The following ATP8B1 variants were observed in gnomAD, a reference collection of about 807,000 sequenced individuals.
ATP8B1 encodes ATPase phospholipid transporting 8B1.
Under a neutral mutation model 149.9 loss-of-function variants are expected in ATP8B1, and 80 were observed. The observed-to-expected ratio is 0.53, with a 90% CI of 0.45 to 0.64. The LOEUF (loss-of-function observed/expected upper bound fraction) is 0.64. Ranked by LOEUF, ATP8B1 falls within the 30% of genes least tolerant of loss-of-function variation. The pLI is 0.00. For missense variants in ATP8B1, 1,247 were observed against 1,552.6 expected (o/e 0.80, Z 3.31); for synonymous variants, 536 against 562.8 (o/e 0.95, Z 0.67).
rs754092954 is a variant in ATP8B1, at chr18:57,662,551, G to A, written c.2350C>T (p.Pro784Ser). ...GGAAAAAAAGATTCCTGCACAGGAG[G>A]TGCAAACTTTGCGTAGACGCCACCT... ...NRGGVYAKFA[P>S]PVQESFFPPG... Residue 784 changes from proline to serine, a missense_variant, in exon 21 of 28, where the codon CCT (proline) becomes TCT (serine). This residue lies in a region of ATP8B1 where 853 missense variants were observed against 1,035.7 expected (regional missense o/e 0.82). Coordinates refer to ENST00000648908, the MANE Select transcript of ATP8B1 (RefSeq NM_001374385.1). 2 of 1,614,188 alleles carry A rather than the reference G, an allele frequency of 1.2e-6. No individual in the cohort carries two copies. The highest frequency in any genetic ancestry group is 3.3e-5 in the Admixed American group (2 of 60,014).
At chr18:57,707,228 G>A (rs1432681833) in intron 2 of ATP8B1, among the ~76,000 whole-genome samples, 2 of 152,048 alleles carry the variant, frequency 1.3e-5, no homozygotes, top group African/African-American at 2.4e-5. Flanking sequence ...CCCGGGAGGT[G>A]GAGGTTGCAG....
chr18:57,746,012 T>A (rs1357730202), intron 1 of ATP8B1, among the ~76,000 whole-genome samples: 2 of 152,190 alleles, frequency 1.3e-5, no homozygotes, highest in Non-Finnish European at 2.9e-5. Flanking sequence ...CTATTTTTAA[T>A]AACACTATCA....
intron 11 of ATP8B1, among the ~76,000 whole-genome samples, chr18:57,692,529 T>C (rs923800713): frequency 6.8e-6 from 1 of 146,482 alleles, no homozygotes; most frequent in South Asian, 2.2e-4. Flanking sequence ...TCCACCTCCC[T>C]GGTTCAAACA....
chr18:57,661,846 C>T (rs1308286453), intron 21 of ATP8B1, among the ~76,000 whole-genome samples: 3 of 151,284 alleles, frequency 2.0e-5, no homozygotes, highest in Non-Finnish European at 4.4e-5. Flanking sequence ...TCCCGAGTAG[C>T]CGGGACTACA....
rs1363873279 is a variant in ATP8B1 at position 57,697,642 on chromosome 18, T to A, written c.674A>T (p.Tyr225Phe). 1.9e-6 allele frequency: 3 copies of A among 1,613,784 alleles called. No homozygotes were observed. The highest frequency in any genetic ancestry group is 2.5e-6 in the Non-Finnish European group (3 of 1,179,990). ...CCCATCCAGTTCTGCTGTTTCCACA[T>A]AGCAGAGGCTGTTAGGCTCAGAGCT... ...LSSSEPNSLCYVETAELDGET... is the reference protein window; with the variant it reads ...LSSSEPNSLCFVETAELDGET... Residue 225 changes from tyrosine to phenylalanine, a missense_variant, in exon 8 of 28, where the codon TAT becomes TTT. Tyr to Phe is a conservative substitution (Grantham distance 22). Around this residue, in one of 3 missense-constraint regions of ATP8B1, gnomAD observed 853 missense variants for 1,035.7 expected, o/e 0.82. Transcript: ENST00000648908.
chr18:57,782,409 G>C (rs2080364779), intron 1 of ATP8B1, among the ~76,000 whole-genome samples: 1 of 152,146 alleles, frequency 6.6e-6, no homozygotes, highest in Non-Finnish European at 1.5e-5. Flanking sequence ...ATAAACCCAA[G>C]TAAATTTTTT....
chr18:57,715,333 A>G (rs2079573882), intron 2 of ATP8B1, among the ~76,000 whole-genome samples: 1 of 152,204 alleles, frequency 6.6e-6, no homozygotes, highest in Non-Finnish European at 1.5e-5. Flanking sequence ...GACAGAAGAA[A>G]AAAGAATAAA....
chr18:57,754,137 T>C (rs904702332), intron 1 of ATP8B1, among the ~76,000 whole-genome samples: 3 of 152,056 alleles, frequency 2.0e-5, no homozygotes, highest in African/African-American at 7.2e-5. Context: ...ACAATTTTTT[T>C]CTTTTAAGAA....
At chr18:57,678,017 G>A (rs1911705162) in intron 15 of ATP8B1, among the ~76,000 whole-genome samples, 1 of 152,070 alleles carries the variant, frequency 6.6e-6, no homozygotes, top group Non-Finnish European at 1.5e-5. Flanking sequence ...AACAGAGATG[G>A]GAAGAACGTC....
At chr18:57,774,557 T>C (rs1373333715) in intron 1 of ATP8B1, among the ~76,000 whole-genome samples, 3 of 152,138 alleles carry the variant, frequency 2.0e-5, no homozygotes, top group Admixed American at 6.5e-5. Flanking sequence ...GATTGTGCCA[T>C]TGCACTCCAG....
intron 1 of ATP8B1, among the ~76,000 whole-genome samples, chr18:57,801,235 C>T (rs372429584): frequency 4.1e-4 from 63 of 152,202 alleles, no homozygotes; most frequent in African/African-American, 1.4e-3. Flanking sequence ...TAATAACCCA[C>T]GCAAAGAATC....
At chr18:57,762,143 T>TA (rs201817910) in intron 1 of ATP8B1, among the ~76,000 whole-genome samples, 20 of 62,112 alleles carry the variant, frequency 3.2e-4, no homozygotes, top group Admixed American at 8.7e-4. Context: ...ATATATATAT[T>TA]TTTTTTTTCT....
At chr18:57,730,236 A>AG (rs1015480366) in intron 2 of ATP8B1, among the ~76,000 whole-genome samples, 11 of 140,814 alleles carry the variant, frequency 7.8e-5, no homozygotes, top group South Asian at 5.3e-4. Context: ...GAGAAACTAG[A>AG]GGGGGGGTTT....
intron 2 of ATP8B1, among the ~76,000 whole-genome samples, chr18:57,725,091 G>C: frequency 9.5e-6 from 1 of 105,514 alleles, no homozygotes; most frequent in Non-Finnish European, 1.9e-5. Context: ...TCACACTCTG[G>C]GGACTGTGGT....
rs184686890 is a variant in ATP8B1 at position 57,651,243 on chromosome 18, C to T, written c.3401-746G>A. Among the ~76,000 whole-genome samples, 206 of 152,218 alleles carry T rather than the reference C, an allele frequency of 1.4e-3. 2 individuals are homozygous for T. Among genetic ancestry groups the T allele is most frequent in the African/African-American group, 4.8e-3 (200 of 41,532 alleles). Reference sequence around the variant, plus strand: ...ACCTTAGCCTCCTGAATAGCTGGGACTACAGGTGTGCGCCACCACGCTTGG... The same window carrying T: ...ACCTTAGCCTCCTGAATAGCTGGGATTACAGGTGTGCGCCACCACGCTTGG... On this transcript the variant is annotated intron_variant, in intron 26 of 27. Transcript: ENST00000648908.
At chr18:57,743,825 C>T (rs1229437441) in intron 1 of ATP8B1, among the ~76,000 whole-genome samples, 2 of 152,090 alleles carry the variant, frequency 1.3e-5, no homozygotes, top group Non-Finnish European at 2.9e-5. Flanking sequence ...CTGATCTGCA[C>T]AGCACTCATC....
intron 15 of ATP8B1, among the ~76,000 whole-genome samples, chr18:57,682,111 T>A (rs1205603705): frequency 6.6e-6 from 1 of 151,982 alleles, no homozygotes; most frequent in African/African-American, 2.4e-5. Context: ...TTCAAGCGAT[T>A]CTCCTGTCTC....
At chr18:57,688,676 C>T in intron 12 of ATP8B1, 169 bp from the exon 13 acceptor site, 1 of 721,346 alleles carries the variant, frequency 1.4e-6, no homozygotes, top group Non-Finnish European at 2.4e-6. Context: ...CCCAATTCAA[C>T]AGTATTGAGG....
chr18:57,649,641 G>C (rs1300320230), intron 27 of ATP8B1, among the ~76,000 whole-genome samples: 1 of 152,072 alleles, frequency 6.6e-6, no homozygotes. Context: ...CGGTGGGCAG[G>C]TTGATTTCCC....
Sources: gnomAD v4.1 joint callset for allele counts (sites outside exome capture counted in the v4.1 genomes callset) on GRCh38, gnomAD v4.1.1 for gene constraint, gnomAD v4.1.1 regional missense constraint, MANE v1.5 for transcripts, NCBI Gene and HGNC (gene_info 2026-07-23, HGNC 2026-07-21) for gene names.